Variants in YWHAQ observed in about 807,000 individuals in gnomAD.
YWHAQ encodes 14-3-3 protein theta.
YWHAQ carries 6 observed loss-of-function variants against 28.3 expected under a neutral mutation model. The observed-to-expected ratio is 0.21, with a 90% CI of 0.12 to 0.42. YWHAQ has a LOEUF of 0.42. Among genes scored for constraint, YWHAQ ranks in the 10% least tolerant of loss-of-function variants. The pLI, the probability that YWHAQ is intolerant of heterozygous loss-of-function variation, is 1.00. For missense variants in YWHAQ, 201 were observed against 305.6 expected (o/e 0.66, Z 2.55); for synonymous variants, 143 against 119.1 (o/e 1.20, Z -1.31).
intron 2 of YWHAQ, among the ~76,000 whole-genome samples, chr2:9,616,491 AG>A (rs539149193): frequency 2.0e-3 from 309 of 152,130 alleles, no homozygotes; most frequent in Admixed American, 4.7e-3. Flanking sequence ...TCTGCTTCAA[AG>A]GACACTAACA....
At chr2:9,616,519 G>C (rs893998492) in intron 2 of YWHAQ, among the ~76,000 whole-genome samples, 1 of 150,256 alleles carries the variant, frequency 6.7e-6, no homozygotes, top group Non-Finnish European at 1.5e-5. Context: ...TCCACAGAAC[G>C]GGAGAAAAAC....
intron 3 of YWHAQ, among the ~76,000 whole-genome samples, chr2:9,589,776 TTTGA>T (rs1666423455): frequency 6.6e-6 from 1 of 152,090 alleles, no homozygotes; most frequent in African/African-American, 2.4e-5. Context: ...CTGACCAGAG[TTTGA>T]TTACTAGCCT....
intron 2 of YWHAQ, among the ~76,000 whole-genome samples, chr2:9,602,863 ATATATATATATATAT>A (rs1181579289): frequency 1.3e-4 from 1 of 7,420 alleles, no homozygotes; most frequent in Non-Finnish European, 2.7e-4. Context: ...AAAAAAAAAA[ATATATATATATATAT>A]ATATATATAT....
rs1666307867 is a variant in YWHAQ at position 9,584,642 on chromosome 2, G to A, written c.*644C>T. The A allele has an allele frequency of 6.5e-6, 1 of 152,770 alleles. No individual in the cohort carries two copies. The highest frequency in any genetic ancestry group is 6.5e-5 in the Admixed American group (1 of 15,298). The allele number at this position is 152,770 out of a possible 1,614,324, so 9.5% of individuals were successfully genotyped here. A position where few individuals can be genotyped will look rare whatever the true frequency, so the allele number is the denominator to read the frequency against. Reference sequence around the variant, plus strand: ...AGGTGTAAGTGAATTTTTATTGGGAGGGGAGGTTGGCAACTTAAACAGCAG... The same window carrying A: ...AGGTGTAAGTGAATTTTTATTGGGAAGGGAGGTTGGCAACTTAAACAGCAG... On this transcript the variant is annotated 3_prime_UTR_variant, in exon 6 of 6. Coordinates refer to ENST00000238081, the MANE Select transcript of YWHAQ (RefSeq NM_006826.4).
intron 2 of YWHAQ, among the ~76,000 whole-genome samples, chr2:9,605,894 T>C (rs1376980258): frequency 1.3e-5 from 2 of 152,140 alleles, no homozygotes; most frequent in Non-Finnish European, 2.9e-5. Flanking sequence ...TCAAAACATT[T>C]AAAATCTATG....
At chr2:9,602,865 ATATATATATATATATATATATATAT>A (rs1303716903) in intron 2 of YWHAQ, among the ~76,000 whole-genome samples, 38 of 10,444 alleles carry the variant, frequency 3.6e-3, no homozygotes, top group Non-Finnish European at 5.3e-3. Flanking sequence ...AAAAAAAAAT[ATATATATATATATATATATATATAT>A]ATATATATAT....
rs1255736501 is a variant in YWHAQ at position 9,588,190 on chromosome 2, T to C, written c.557A>G (p.Glu186Gly). The C allele has an allele frequency of 6.3e-7, 1 of 1,586,834 alleles. No homozygotes were observed. Among genetic ancestry groups the C allele is most frequent in the Non-Finnish European group, 8.5e-7 (1 of 1,171,742 alleles). The change falls in exon 4 of 6, where the codon GAG becomes GGG. Residue 186 changes from glutamate (E) to glycine (G), a missense_variant. This residue lies in a region of YWHAQ where 39 missense variants were observed against 91.7 expected (regional missense o/e 0.43). Transcript: ENST00000238081. ...VFYYEILNNPELACTLAKTAF... is the reference protein window; with the variant it reads ...VFYYEILNNPGLACTLAKTAF... The stretch of plus-strand genomic sequence containing the variant: ...CGTTTTAGCCAGCGTGCAGGCAAGC[T>C]CTGGGTTATTAAGAATCTCATAGTA...
chr2:9,630,796 G>A lies in YWHAQ; in HGVS notation c.-83+145C>T, dbSNP rs1337648651. 2 of 150,818 alleles carry A rather than the reference G, an allele frequency of 1.3e-5. No individual in the cohort carries two copies. Among genetic ancestry groups the A allele is most frequent in the African/African-American group, 4.9e-5 (2 of 41,208 alleles). The allele number at this position is 150,818 out of a possible 1,614,324, so 9.3% of individuals were successfully genotyped here. A position where few individuals can be genotyped will look rare whatever the true frequency, so the allele number is the denominator to read the frequency against. ...CGCCCGGCCGGCCCAAGATGGAAGC[G>A]ACCGTTGGCCCCGCACCTTCCCGCC... is the stretch of plus-strand genomic sequence containing the variant. On this transcript the variant is annotated intron_variant, in intron 1 of 5. Transcript: ENST00000238081. The surrounding 1 kb of genome is among the most constrained non-coding windows in gnomAD (Gnocchi z 5.6).
At chr2:9,598,871 T>A (rs1666630762) in intron 2 of YWHAQ, among the ~76,000 whole-genome samples, 1 of 152,220 alleles carries the variant, frequency 6.6e-6, no homozygotes, top group South Asian at 2.1e-4. Context: ...AAAGATGAGT[T>A]ACATGTCTCT....
intron 2 of YWHAQ, among the ~76,000 whole-genome samples, chr2:9,626,975 TAG>T (rs1667258710): frequency 6.6e-6 from 1 of 152,190 alleles, no homozygotes; most frequent in Non-Finnish European, 1.5e-5. Context: ...CGAAGAGACT[TAG>T]AAAGTTAAGC....
In YWHAQ at chr2:9,591,383, T is replaced by C. The variant is rs1411188278; in HGVS notation, c.418+9A>G. The stretch of plus-strand genomic sequence containing the variant: ...ATTCTACTTTTGCCCATATAACAAA[T>C]AAACTTACGTTTTCGATCATCACCA... On this transcript the variant is annotated intron_variant, in intron 3 of 5. Transcript: ENST00000238081. 1.2e-6 allele frequency: 2 copies of C among 1,608,100 alleles called. No individual in the cohort carries two copies. Among genetic ancestry groups the C allele is most frequent in the South Asian group, 2.2e-5 (2 of 90,608 alleles).
intron 2 of YWHAQ, among the ~76,000 whole-genome samples, chr2:9,611,241 G>GAGCAA (rs1247381674): frequency 7.2e-5 from 11 of 152,158 alleles, no homozygotes; most frequent in African/African-American, 2.7e-4. Flanking sequence ...CATTTGAGCA[G>GAGCAA]CATCCAACTC....
intron 2 of YWHAQ, among the ~76,000 whole-genome samples, chr2:9,596,830 A>G (rs116057161): frequency 0.013 from 1,910 of 152,200 alleles, 20 homozygotes; most frequent in South Asian, 0.02. Flanking sequence ...AGCCTCCCCA[A>G]GTAACTGGGA....
Position 9,613,563 on chromosome 2 carries a change from G to C in YWHAQ, c.294+16596C>G, listed in dbSNP as rs188377311. On this transcript the variant is annotated intron_variant, in intron 2 of 5. Coordinates refer to ENST00000238081, the MANE Select transcript of YWHAQ (RefSeq NM_006826.4). Reference sequence around the variant, plus strand: ...AACAGGCAAAAGAGAAAGGGAAGCAGCAGATGAAGAGAATCCAAGACTCTA... The same window carrying C: ...AACAGGCAAAAGAGAAAGGGAAGCACCAGATGAAGAGAATCCAAGACTCTA... 6.0e-3 allele frequency among the ~76,000 whole-genome samples: 916 copies of C among 152,300 alleles called. 4 individuals are homozygous for C. Among genetic ancestry groups the C allele is most frequent in the Non-Finnish European group, 8.3e-3 (568 of 68,024 alleles).
rs1667332036 is a variant in YWHAQ, at chr2:9,630,122, C to G, written c.294+37G>C. 1 of 1,583,122 alleles carries G rather than the reference C, an allele frequency of 6.3e-7. No homozygotes were observed. The highest frequency in any genetic ancestry group is 1.3e-5 in the African/African-American group (1 of 74,134). On this transcript the variant is annotated intron_variant, in intron 2 of 5. Transcript: ENST00000238081. The surrounding 1 kb of genome is among the most constrained non-coding windows in gnomAD (Gnocchi z 5.6). ...GAAACTCTCAATGAAAAGCATCTCA[C>G]AAAAGGCCTCCCCTGCTCCCCGCGC...
chr2:9,630,719 C>T lies in YWHAQ; in HGVS notation c.-82-185G>A. On this transcript the variant is annotated intron_variant, in intron 1 of 5. Transcript: ENST00000238081. The surrounding 1 kb of genome is among the most constrained non-coding windows in gnomAD (Gnocchi z 5.6). The stretch of plus-strand genomic sequence containing the variant: ...CCGCGGCTGGAGGAGGCGGGGGCGG[C>T]GCGGAGGCCCCGCGCGCAGGGAGCC... 5.5e-6 allele frequency: 1 copy of T among 180,580 alleles called. No individual in the cohort carries two copies. The highest frequency in any genetic ancestry group is 1.1e-5 in the Non-Finnish European group (1 of 87,806). 11.2% of individuals were successfully genotyped at this position (180,580 alleles called of 1,614,324 possible).
Position 9,630,363 on chromosome 2 carries a change from G to C in YWHAQ, c.90C>G (p.Thr30=), listed in dbSNP as rs1341882686. Residue 30 remains threonine, a synonymous_variant, in exon 2 of 6, where the codon ACC becomes ACG. Coordinates refer to ENST00000238081, the MANE Select transcript of YWHAQ (RefSeq NM_006826.4). This position sits in a 1 kb window ranked among gnomAD's most constrained non-coding sequence, Gnocchi z 5.6. The part of the protein sequence containing the change: ...DDMATCMKAV[T]EQGAELSNEE... ...CGTTGGACAGCTCGGCGCCCTGCTC[G>C]GTCACTGCCTTCATGCAGGTGGCCA... The C allele has an allele frequency of 1.2e-6, 2 of 1,614,100 alleles. No individual in the cohort carries two copies. The highest frequency in any genetic ancestry group is 2.2e-5 in the East Asian group (1 of 44,870).
chr2:9,626,510 C>T (rs936302062), intron 2 of YWHAQ, among the ~76,000 whole-genome samples: 2 of 152,252 alleles, frequency 1.3e-5, no homozygotes, highest in Non-Finnish European at 1.5e-5. Context: ...CTCACTGCAA[C>T]CTTCGCCTCC....
intron 2 of YWHAQ, among the ~76,000 whole-genome samples, chr2:9,617,341 T>G (rs1667059043): frequency 6.6e-6 from 1 of 152,186 alleles, no homozygotes; most frequent in South Asian, 2.1e-4. Context: ...TGTTTCAACA[T>G]AAACATTATG....
Sources: gnomAD v4.1 joint callset for allele counts (sites outside exome capture counted in the v4.1 genomes callset) on GRCh38, gnomAD v4.1.1 for gene constraint, gnomAD v4.1.1 regional missense constraint, Gnocchi (gnomAD v3.1) non-coding constraint, MANE v1.5 for transcripts, NCBI Gene and HGNC (gene_info 2026-07-23, HGNC 2026-07-21) for gene names.